Variants in PJA2 observed in about 807,000 individuals in gnomAD.
PJA2 encodes E3 ubiquitin-protein ligase Praja-2.
Under a neutral mutation model 69.3 loss-of-function variants are expected in PJA2, and 25 were observed. That is an observed-to-expected ratio of 0.36 (90% CI 0.26 to 0.50). PJA2 has a LOEUF of 0.50. Ranked by LOEUF, PJA2 falls within the 20% of genes least tolerant of loss-of-function variation. The probability of loss-of-function intolerance (pLI) is 0.96; values close to 1 mark genes in which losing one functional copy is unlikely to be tolerated. For missense variants in PJA2, 809 were observed against 830.2 expected (o/e 0.97, Z 0.31); for synonymous variants, 308 against 277.8 (o/e 1.11, Z -1.08).
At chr5:109,345,085 G>A (rs986610189) in intron 7 of PJA2, among the ~76,000 whole-genome samples, 6 of 149,572 alleles carry the variant, frequency 4.0e-5, no homozygotes, top group African/African-American at 1.2e-4. Context: ...GCTCATGCCT[G>A]TAATCCCAGC....
rs73781293 is a variant in PJA2 at position 109,344,686 on chromosome 5, A to G, written c.1879+19T>C. 5.5e-3 allele frequency: 8,216 copies of G among 1,489,054 alleles called. 366 individuals carry two copies. The African/African-American group carries it at 0.098, about 18-fold the overall frequency. The allele number at this position is 1,489,054 out of a possible 1,614,324, so 92.2% of individuals were successfully genotyped here. On this transcript the variant is annotated intron_variant, in intron 8 of 9. Coordinates refer to ENST00000361189, the MANE Select transcript of PJA2 (RefSeq NM_014819.5). ...TGTACAATGTGTTCTTCAACATTTGAGATCAACTTTGCCCTTACCAGTGTG... is the reference window on the plus strand; with the variant it reads ...TGTACAATGTGTTCTTCAACATTTGGGATCAACTTTGCCCTTACCAGTGTG...
intron 1 of PJA2, among the ~76,000 whole-genome samples, chr5:109,398,347 T>C (rs1179739864): frequency 2.0e-5 from 3 of 152,098 alleles, no homozygotes; most frequent in African/African-American, 4.8e-5. Flanking sequence ...TGCGGCACTA[T>C]TCACAATAGC....
chr5:109,363,850 A>G (rs1238952207), intron 5 of PJA2, among the ~76,000 whole-genome samples: 6 of 152,270 alleles, frequency 3.9e-5, no homozygotes, highest in South Asian at 4.1e-4. Flanking sequence ...CAAAACAGGA[A>G]GAAAAAAAAG....
Position 109,344,281 on chromosome 5 carries a change from C to A in PJA2, c.1910G>T (p.Cys637Phe), listed in dbSNP as rs1182701834. 1 of 1,607,986 alleles carries A rather than the reference C, an allele frequency of 6.2e-7. No individual in the cohort carries two copies. The change falls in exon 9 of 10, where the codon TGT (cysteine) becomes TTT (phenylalanine). Residue 637 changes from cysteine (C) to phenylalanine (F), a missense_variant. By Grantham distance (205) the Cys-to-Phe change is radical. Around this residue, in one of 4 missense-constraint regions of PJA2, gnomAD observed 19 missense variants for 62.9 expected, o/e 0.30. Transcript: ENST00000361189. ...ATCATCCTTAATATACTCACTGCAA[C>A]AGATTGGACAGCATTGTTCCTGACC... is the stretch of plus-strand genomic sequence containing the variant. ...AIGQEQCCPI[C>F]CSEYIKDDIA...
chr5:109,391,518 A>G (rs1193674037), intron 1 of PJA2, among the ~76,000 whole-genome samples: 9 of 151,962 alleles, frequency 5.9e-5, no homozygotes, highest in Non-Finnish European at 1.0e-4. Flanking sequence ...CACTATAAAG[A>G]TGTACCCCTA....
chr5:109,368,489 T>C (rs997078678), intron 5 of PJA2, 72 bp downstream of exon 5: 3 of 1,345,228 alleles, frequency 2.2e-6, no homozygotes, highest in Admixed American at 2.2e-5. Context: ...TAATGGCATA[T>C]CCAACATTTG....
At position 109,378,970 on chromosome 5, in the gene PJA2, T is replaced by C; in HGVS notation, c.517A>G (p.Lys173Glu). ...VHTDSYDPDG[K>E]HGEDNDHLQL... is the part of the protein sequence containing the mutation. ...AGATGGTCATTATCTTCTCCATGTT[T>C]GCCATCTGGATCATAAGAGTCTGTA... The change falls in exon 4 of 10, where the codon AAA becomes GAA. Residue 173 changes from lysine to glutamate, a missense_variant. This residue lies in a region of PJA2 where 700 missense variants were observed against 639.5 expected (regional missense o/e 1.09). Transcript: ENST00000361189. The C allele has an allele frequency of 6.2e-7, 1 of 1,614,182 alleles. No individual in the cohort carries two copies. Among genetic ancestry groups the C allele is most frequent in the Non-Finnish European group, 8.5e-7 (1 of 1,180,028 alleles).
At chr5:109,353,281 A>G in intron 7 of PJA2, among the ~76,000 whole-genome samples, 1 of 141,758 alleles carries the variant, frequency 7.1e-6, no homozygotes, top group East Asian at 2.1e-4. Flanking sequence ...ATAATATCAT[A>G]GACATCTATA....
intron 5 of PJA2, among the ~76,000 whole-genome samples, chr5:109,366,607 T>C (rs545179258): frequency 7.2e-5 from 11 of 152,336 alleles, no homozygotes; most frequent in African/African-American, 2.6e-4. Context: ...ACATGTGTAA[T>C]GTACTGGGTT....
chr5:109,378,460 C>T lies in PJA2; in HGVS notation c.1027G>A (p.Val343Ile). ...TCCAAAGCCTCTCTCCATCTTTGAA[C>T]ACTTCTTTGTTTCGCCTCATGCCTA... is the stretch of plus-strand genomic sequence containing the variant. ...FNRHEAKQRS[V>I]QRWREALEVE... is the part of the protein sequence containing the mutation. The change falls in exon 4 of 10, where the codon GTT becomes ATT. Residue 343 changes from valine (V) to isoleucine (I), a missense_variant. Physicochemically the swap from Val to Ile is conservative, Grantham distance 29 (BLOSUM62 3). Coordinates refer to ENST00000361189, the MANE Select transcript of PJA2 (RefSeq NM_014819.5). The T allele has an allele frequency of 6.2e-7, 1 of 1,614,152 alleles. No individual in the cohort carries two copies. Among genetic ancestry groups the T allele is most frequent in the Middle Eastern group, 1.6e-4 (1 of 6,062 alleles).
At chr5:109,358,136 G>A (rs1031132609) in intron 6 of PJA2, among the ~76,000 whole-genome samples, 18 of 152,154 alleles carry the variant, frequency 1.2e-4, no homozygotes, top group African/African-American at 3.9e-4. Context: ...GTTCATGATG[G>A]CCATGATGGC....
At chr5:109,375,249 C>T (rs1746835150) in intron 4 of PJA2, among the ~76,000 whole-genome samples, 1 of 152,078 alleles carries the variant, frequency 6.6e-6, no homozygotes, top group Admixed American at 6.6e-5. Flanking sequence ...GTGGCTCACG[C>T]CTGTAATCTT....
intron 4 of PJA2, among the ~76,000 whole-genome samples, chr5:109,375,989 G>T (rs1016707560): frequency 6.6e-6 from 1 of 152,072 alleles, no homozygotes; most frequent in Non-Finnish European, 1.5e-5. Context: ...CTTTGAGATC[G>T]TAAAACATAT....
intron 9 of PJA2, among the ~76,000 whole-genome samples, chr5:109,341,165 G>A (rs1390694793): frequency 3.4e-4 from 39 of 115,570 alleles, no homozygotes; most frequent in Non-Finnish European, 4.7e-4. Context: ...GAGCGTCTCC[G>A]CCCGGCCGCC....
chr5:109,378,923 C>A lies in PJA2; in HGVS notation c.564G>T (p.Val188=). 2 of 1,614,154 alleles carry A rather than the reference C, an allele frequency of 1.2e-6. No homozygotes were observed. The highest frequency in any genetic ancestry group is 1.7e-6 in the Non-Finnish European group (2 of 1,180,020). Reference sequence around the variant, plus strand: ...ATGATTCCTGGTATCTACTACCTTCCACGACTTCTGCAGAAAGTTGAAGAT... The same window carrying A: ...ATGATTCCTGGTATCTACTACCTTCAACGACTTCTGCAGAAAGTTGAAGAT... ...NDHLQLSAEV[V]EGSRYQESLG... Residue 188 remains valine (V), a synonymous_variant, in exon 4 of 10, where the codon GTG becomes GTT. Transcript: ENST00000361189.
chr5:109,406,490 T>C (rs1269719577), intron 1 of PJA2, among the ~76,000 whole-genome samples: 1 of 152,092 alleles, frequency 6.6e-6, no homozygotes, highest in Non-Finnish European at 1.5e-5. Flanking sequence ...ATATACCCAC[T>C]AAAAGGGCTA....
chr5:109,340,625 C>T (rs925965792), intron 9 of PJA2, among the ~76,000 whole-genome samples: 156 of 1,280 alleles, frequency 0.12, 6 homozygotes, highest in South Asian at 0.33. Flanking sequence ...GGTCCCTCCC[C>T]CTCCCCCTCC....
chr5:109,370,186 C>A (rs1285333985), intron 4 of PJA2, among the ~76,000 whole-genome samples: 2 of 152,190 alleles, frequency 1.3e-5, no homozygotes, highest in East Asian at 3.9e-4. Flanking sequence ...GAAAATAAGT[C>A]TTAAATGCCC....
chr5:109,340,895 A>C (rs376830455), intron 9 of PJA2, among the ~76,000 whole-genome samples: 1 of 70,924 alleles, frequency 1.4e-5, no homozygotes, highest in African/African-American at 4.0e-5. Flanking sequence ...GCCAACCTCG[A>C]CCTCCCGAGG....
Sources: gnomAD v4.1 joint callset for allele counts (sites outside exome capture counted in the v4.1 genomes callset) on GRCh38, gnomAD v4.1.1 for gene constraint, gnomAD v4.1.1 regional missense constraint, MANE v1.5 for transcripts, NCBI Gene and HGNC (gene_info 2026-07-23, HGNC 2026-07-21) for gene names.